TNS3: variants seen among roughly 807,000 people sequenced by gnomAD.
TNS3 encodes the protein tensin-3.
In TNS3, 45 loss-of-function variants were observed where a neutral mutation model predicts 140.9. The observed-to-expected ratio is 0.32, with a 90% CI of 0.25 to 0.41. The LOEUF is 0.41. TNS3 is among the 10% of genes least tolerant of loss of function. The pLI is 1.00. For synonymous variants in TNS3, 815 were observed against 788.4 expected (o/e 1.03, Z -0.56); for missense variants, 1,716 against 1,906.7 (o/e 0.90, Z 1.86).
chr7:47,302,152 G>A, intron 23 of TNS3, 34 bp downstream of exon 23: 1 of 1,569,214 alleles, frequency 6.4e-7, no homozygotes, highest in South Asian at 1.1e-5. Flanking sequence ...CACTAGGGCA[G>A]ATGCCCAAGG....
At chr7:47,477,790 A>G (rs1477538952) in intron 4 of TNS3, among the ~76,000 whole-genome samples, 3 of 152,204 alleles carry the variant, frequency 2.0e-5, no homozygotes, top group Non-Finnish European at 4.4e-5. Flanking sequence ...AAGAAAAAAA[A>G]GATTCTGTGC....
chr7:47,388,758 C>T (rs1352458506), intron 16 of TNS3, among the ~76,000 whole-genome samples: 2 of 151,890 alleles, frequency 1.3e-5, no homozygotes, highest in African/African-American at 4.8e-5. Flanking sequence ...CCCAGCTACT[C>T]GGGAGGCTGA....
intron 4 of TNS3, among the ~76,000 whole-genome samples, chr7:47,471,368 G>A (rs1161844359): frequency 1.3e-5 from 2 of 152,180 alleles, no homozygotes; most frequent in Admixed American, 6.5e-5. Context: ...TCACCGTCTC[G>A]TCTCTGGGAA....
At position 47,445,941 on chromosome 7, in the gene TNS3, C is replaced by T. The variant is rs183529287; in HGVS notation, c.-75-3886G>A. Among the ~76,000 whole-genome samples the T allele has an allele frequency of 7.2e-5, 11 of 152,320 alleles. No homozygotes were observed. In the East Asian group the frequency reaches 2.1e-3, roughly 29 times the overall value. On this transcript the variant is annotated intron_variant, in intron 4 of 30. Transcript: ENST00000311160. Reference sequence around the variant, plus strand: ...TAAACCCTGTGTGTGCACCATAATGCATTTCATGACTGAAGGATGACTGAG... The same window carrying T: ...TAAACCCTGTGTGTGCACCATAATGTATTTCATGACTGAAGGATGACTGAG...
At chr7:47,292,433 A>G (rs758982162) in intron 26 of TNS3, among the ~76,000 whole-genome samples, 5 of 152,248 alleles carry the variant, frequency 3.3e-5, no homozygotes, top group Non-Finnish European at 7.3e-5. Flanking sequence ...TTTAACAAAC[A>G]TAAAAGTAAA....
chr7:47,321,770 G>A (rs977089252), intron 20 of TNS3, among the ~76,000 whole-genome samples: 3 of 152,136 alleles, frequency 2.0e-5, no homozygotes, highest in Non-Finnish European at 4.4e-5. Flanking sequence ...AAAGACCTTC[G>A]CTCAAATAGA....
chr7:47,582,584 C>T (rs1292824243), upstream of TNS3: 6 of 423,400 alleles, frequency 1.4e-5, no homozygotes, highest in Admixed American at 1.5e-4. Context: ...ACAGCCGCTC[C>T]GGAAAGCCTA....
At chr7:47,577,111 G>A (rs1467200349) in intron 1 of TNS3, among the ~76,000 whole-genome samples, 3 of 152,130 alleles carry the variant, frequency 2.0e-5, no homozygotes, top group African/African-American at 7.2e-5. Flanking sequence ...CCACCTGGAG[G>A]TGTCCCCGGT....
intron 13 of TNS3, among the ~76,000 whole-genome samples, chr7:47,404,919 C>T (rs1406542605): frequency 2.0e-5 from 3 of 151,960 alleles, no homozygotes; most frequent in Non-Finnish European, 4.4e-5. Context: ...AAAAATATGC[C>T]TGTGCCCTTG....
chr7:47,423,115 C>T (rs1285177657), intron 10 of TNS3, among the ~76,000 whole-genome samples: 1 of 152,204 alleles, frequency 6.6e-6, no homozygotes, highest in Non-Finnish European at 1.5e-5. Flanking sequence ...CGTCTACCCC[C>T]ATGTCTGCTG....
At chr7:47,517,448 G>T (rs993740133) in intron 2 of TNS3, among the ~76,000 whole-genome samples, 1 of 152,182 alleles carries the variant, frequency 6.6e-6, no homozygotes, top group East Asian at 1.9e-4. Flanking sequence ...GAGCTCACCC[G>T]CAGGGACCTT....
Position 47,283,777 on chromosome 7 carries a change from G to A in TNS3, c.4017C>T (p.Val1339=). 1 of 1,612,772 alleles carries A rather than the reference G, an allele frequency of 6.2e-7. No individual in the cohort carries two copies. Among genetic ancestry groups the A allele is most frequent in the Non-Finnish European group, 8.5e-7 (1 of 1,179,384 alleles). Residue 1339 remains valine, a synonymous_variant, in exon 28 of 31, where the codon GTC becomes GTT. Transcript: ENST00000311160. ...AIQKALSITL[V]QEPPPVSTVV... ...CTGTGGACACAGGTGGAGGCTCCTGGACCAGGGTGATGCTCAGGGCCTTCT... is the reference window on the plus strand; with the variant it reads ...CTGTGGACACAGGTGGAGGCTCCTGAACCAGGGTGATGCTCAGGGCCTTCT...
Position 47,340,576 on chromosome 7 carries a change from C to CTTTTTTTTCTTT in TNS3, c.2650+4167_2650+4178dup, listed in dbSNP as rs139421168. The stretch of plus-strand genomic sequence containing the variant: ...TTGTTTTGTTGTTCCCTGGGATTTT[C>CTTTTTTTTCTTT]TTTTTTTTCTTTTTTTTTTTTTTGA... On this transcript the variant is annotated intron_variant, in intron 20 of 30. Coordinates refer to ENST00000311160, the MANE Select transcript of TNS3 (RefSeq NM_022748.12). Among the ~76,000 whole-genome samples, 139 of 130,214 alleles carry CTTTTTTTTCTTT rather than the reference C, an allele frequency of 1.1e-3. 3 individuals carry two copies. The highest frequency in any genetic ancestry group is 1.9e-3 in the African/African-American group (65 of 34,730). The allele number at this position is 130,214 out of a possible 152,430, so 85.4% of individuals were successfully genotyped here.
intron 2 of TNS3, among the ~76,000 whole-genome samples, chr7:47,519,406 A>T (rs1382134857): frequency 2.0e-5 from 3 of 152,032 alleles, no homozygotes; most frequent in Non-Finnish European, 4.4e-5. Flanking sequence ...AACTCAGGAA[A>T]CCCTCTTAGT....
rs567728380 is a variant in TNS3 at position 47,439,795 on chromosome 7, T to G, written c.-22-137A>C. On this transcript the variant is annotated intron_variant, in intron 5 of 30. Coordinates refer to ENST00000311160, the MANE Select transcript of TNS3 (RefSeq NM_022748.12). ...CACCTGGGCGGCCAGCTACGGGAAT[T>G]TACAGTGTGTGCAGCCTCTGTGCTG... 6.0e-6 allele frequency: 5 copies of G among 834,018 alleles called. No individual in the cohort carries two copies. In the Admixed American group the frequency reaches 1.1e-4, roughly 19 times the overall value. The allele number at this position is 834,018 out of a possible 1,614,324, so 51.7% of individuals were successfully genotyped here.
chr7:47,506,868 G>T, intron 3 of TNS3, 39 bp downstream of exon 3: 1 of 1,280,862 alleles, frequency 7.8e-7, no homozygotes, highest in Non-Finnish European at 1.0e-6. Context: ...GGCCAAGTCA[G>T]CTATAAAAAG....
chr7:47,494,437 A>C (rs903836803), intron 3 of TNS3, among the ~76,000 whole-genome samples: 14 of 152,382 alleles, frequency 9.2e-5, no homozygotes, highest in African/African-American at 3.4e-4. Flanking sequence ...TTCTGAAAGC[A>C]GAATTTCTCA....
At chr7:47,347,624 C>A (rs1789421105) in intron 17 of TNS3, among the ~76,000 whole-genome samples, 1 of 152,002 alleles carries the variant, frequency 6.6e-6, no homozygotes, top group African/African-American at 2.4e-5. Context: ...CTCCCTGTCC[C>A]ATGGGACATC....
chr7:47,296,301 AT>A (rs1358495726), intron 24 of TNS3, among the ~76,000 whole-genome samples: 3 of 152,184 alleles, frequency 2.0e-5, no homozygotes, highest in African/African-American at 7.2e-5. Flanking sequence ...TAGAAATATG[AT>A]TGGTGGATGC....
Sources: allele counts gnomAD v4.1 joint callset (sites outside exome capture counted in the v4.1 genomes callset), GRCh38; gene constraint gnomAD v4.1.1; transcripts MANE v1.5; gene names NCBI Gene and HGNC (gene_info 2026-07-23, HGNC 2026-07-21).